BPHL: variants seen among roughly 807,000 people sequenced by gnomAD.
BPHL encodes serine hydrolase BPHL.
In BPHL, 27 loss-of-function variants were observed where a neutral mutation model predicts 31.2. The ratio of observed to expected loss-of-function variants is 0.87; its 90% CI spans 0.64 to 1.19. The LOEUF (loss-of-function observed/expected upper bound fraction) is 1.19. Among genes scored for constraint, BPHL ranks in the 50% most tolerant of loss-of-function variants. The pLI is 0.00. For missense variants in BPHL, 356 were observed against 375.7 expected, an observed-to-expected ratio of 0.95 and a Z score of 0.43; for synonymous variants, 150 against 146.8, an observed-to-expected ratio of 1.02 and a Z score of -0.16.
At chr6:3,137,586 C>T in intron 5 of BPHL, 93 bp downstream of exon 5, 12 of 1,532,192 alleles carry the variant, frequency 7.8e-6, no homozygotes, top group Admixed American at 5.2e-5. Context: ...ATTCATGAAT[C>T]TGCCCATCGC....
In BPHL at chr6:3,140,619, C is replaced by A; in HGVS notation, c.788+110C>A. The A allele has an allele frequency of 6.7e-7, 1 of 1,499,114 alleles. No individual in the cohort carries two copies. Among genetic ancestry groups the A allele is most frequent in the Non-Finnish European group, 9.0e-7 (1 of 1,110,458 alleles). The allele number at this position is 1,499,114 out of a possible 1,614,324, so 92.9% of individuals were successfully genotyped here. On this transcript the variant is annotated intron_variant, in intron 6 of 6. Coordinates refer to ENST00000380379, the MANE Select transcript of BPHL (RefSeq NM_004332.4). This position sits in a 1 kb window ranked among gnomAD's most constrained non-coding sequence, Gnocchi z 5.2. ...AGTTGGAGTTTTAGAGTGCACAGCC[C>A]CCCTTTTGCCAATGCCAGTCAGTAG... is the stretch of plus-strand genomic sequence containing the variant.
At chr6:3,123,563 A>G (rs1761631017) in intron 1 of BPHL, 94 bp from the exon 2 acceptor site, 2 of 1,048,954 alleles carry the variant, frequency 1.9e-6, no homozygotes. Context: ...GAACACTAAC[A>G]CTTATTCCTC....
chr6:3,124,106 C>T (rs1216427788), intron 2 of BPHL: 1 of 156,734 alleles, frequency 6.4e-6, no homozygotes, highest in African/African-American at 2.4e-5. Context: ...GTTTGCTTGG[C>T]GTTGGGGGAT....
chr6:3,152,347 T>C, intron 6 of BPHL, 141 bp from the exon 7 acceptor site: 1 of 660,864 alleles, frequency 1.5e-6, no homozygotes, highest in Non-Finnish European at 2.6e-6. Context: ...ATTGATGGGT[T>C]ACATTTTTCT....
chr6:3,145,479 CTGATTCGGGGT>C, intron 6 of BPHL, among the ~76,000 whole-genome samples: 1 of 68,608 alleles, frequency 1.5e-5, no homozygotes. Context: ...GGTTTGAATG[CTGATTCGGGGT>C]GGAGTGCTGG....
At position 3,137,347 on chromosome 6, in the gene BPHL, A is replaced by T. The variant is rs201177697; in HGVS notation, c.533-15A>T. Reference sequence around the variant, plus strand: ...TGAAATTAAACCTTTCTTCGCCTACACTTCTGTTTTTCAGGCATCCGAGAT... The same window carrying T: ...TGAAATTAAACCTTTCTTCGCCTACTCTTCTGTTTTTCAGGCATCCGAGAT... On this transcript the variant is annotated splice_polypyrimidine_tract_variant and intron_variant, in intron 4 of 6. Coordinates refer to ENST00000380379, the MANE Select transcript of BPHL (RefSeq NM_004332.4). 6.8e-6 allele frequency: 11 copies of T among 1,609,572 alleles called. No individual in the cohort carries two copies. In the East Asian group the frequency reaches 2.5e-4, roughly 36 times the overall value.
At chr6:3,138,195 A>AT (rs772104232) in intron 5 of BPHL, 30 of 341,666 alleles carry the variant, frequency 8.8e-5, no homozygotes, top group East Asian at 2.8e-4. Flanking sequence ...TTTTTTTTGT[A>AT]TTTTAGTAGA....
chr6:3,139,993 C>A (rs539988649), intron 5 of BPHL: 1 of 216,092 alleles, frequency 4.6e-6, no homozygotes, highest in African/African-American at 2.3e-5. Flanking sequence ...TGGCCGGGGC[C>A]CCTACACTCA....
At chr6:3,148,592 G>T (rs1274050222) in intron 6 of BPHL, among the ~76,000 whole-genome samples, 1 of 152,196 alleles carries the variant, frequency 6.6e-6, no homozygotes, top group Non-Finnish European at 1.5e-5. Flanking sequence ...TACTGCCCCA[G>T]GTGACAGTTC....
chr6:3,125,581 T>G (rs891774567), intron 2 of BPHL, among the ~76,000 whole-genome samples: 1 of 152,142 alleles, frequency 6.6e-6, no homozygotes, highest in Non-Finnish European at 1.5e-5. Context: ...AAATGCCTTC[T>G]TGTTTCTGAA....
intron 4 of BPHL, among the ~76,000 whole-genome samples, chr6:3,135,035 C>T (rs1378882819): frequency 6.6e-6 from 1 of 152,192 alleles, no homozygotes; most frequent in African/African-American, 2.4e-5. Flanking sequence ...CCATGCCGCC[C>T]GGCCTCACAA....
At chr6:3,139,354 C>T (rs1762103971) in intron 5 of BPHL, 1 of 152,196 alleles carries the variant, frequency 6.6e-6, no homozygotes, top group East Asian at 1.9e-4. Flanking sequence ...CAGTTGCTGG[C>T]ACCAAGTGAG....
intron 3 of BPHL, among the ~76,000 whole-genome samples, chr6:3,127,716 T>G (rs1266259411): frequency 1.3e-5 from 2 of 152,242 alleles, no homozygotes; most frequent in Non-Finnish European, 2.9e-5. Context: ...GTTGAACAAT[T>G]TTTCAAGGAA....
chr6:3,136,209 C>T (rs182081694), intron 4 of BPHL, among the ~76,000 whole-genome samples: 1 of 152,330 alleles, frequency 6.6e-6, no homozygotes, highest in East Asian at 1.9e-4. Context: ...GAAGCATGTG[C>T]AGGGACGTTT....
intron 1 of BPHL, among the ~76,000 whole-genome samples, chr6:3,121,218 T>C (rs758057425): frequency 2.6e-5 from 4 of 152,074 alleles, no homozygotes; most frequent in Non-Finnish European, 4.4e-5. Context: ...AAATACTTTA[T>C]TGTAGATAAT....
intron 5 of BPHL, among the ~76,000 whole-genome samples, 176 bp downstream of exon 5, chr6:3,137,669 A>G (rs528915970): frequency 1.1e-4 from 16 of 152,286 alleles, no homozygotes; most frequent in East Asian, 7.7e-4. Context: ...TGGGCAGTCA[A>G]TCTGGCTTAA....
chr6:3,151,358 G>A (rs1762518727), intron 6 of BPHL, among the ~76,000 whole-genome samples: 1 of 152,134 alleles, frequency 6.6e-6, no homozygotes, highest in Non-Finnish European at 1.5e-5. Context: ...AATTTAGAAT[G>A]TCGTGATTGT....
Position 3,127,339 on chromosome 6 carries a change from GC to G in BPHL, c.314del (p.Pro105GlnfsTer20). On this transcript the variant is annotated frameshift_variant, in exon 3 of 7. Transcript: ENST00000380379. LOFTEE classifies it high-confidence loss of function. ...WDPRGYGHSR[P>X]PDRDFPADFF... ...ATCCTCGAGGCTATGGACATTCCAG[GC>G]CCCCAGATCGCGATTTCCCAGCAGA... 6.2e-7 allele frequency: 1 copy of G among 1,609,362 alleles called. No individual in the cohort carries two copies. Among genetic ancestry groups the G allele is most frequent in the Non-Finnish European group, 8.5e-7 (1 of 1,177,224 alleles).
intron 3 of BPHL, 26 bp from the exon 4 acceptor site, chr6:3,129,019 C>T (rs1581466696): frequency 6.2e-7 from 1 of 1,614,156 alleles, no homozygotes; most frequent in South Asian, 1.1e-5. Flanking sequence ...ATAACCCGTG[C>T]CGTGCATTTT....
Sources: gnomAD v4.1 joint callset for allele counts (sites outside exome capture counted in the v4.1 genomes callset) on GRCh38, gnomAD v4.1.1 for gene constraint, Gnocchi (gnomAD v3.1) non-coding constraint, MANE v1.5 for transcripts, NCBI Gene and HGNC (gene_info 2026-07-23, HGNC 2026-07-21) for gene names.